The following AKAP13 variants were observed in gnomAD, a reference collection of about 807,000 sequenced individuals.
AKAP13 encodes the protein A-kinase anchor protein 13.
A neutral mutation model predicts 264.5 loss-of-function variants in AKAP13; 80 were observed. That is an observed-to-expected ratio of 0.30 (90% confidence interval 0.25 to 0.36). AKAP13 has a LOEUF of 0.36. Ranked by LOEUF, AKAP13 falls within the 10% of genes least tolerant of loss-of-function variation. The pLI, the probability that AKAP13 is intolerant of heterozygous loss-of-function variation, is 1.00. For missense variants in AKAP13, 3,712 were observed against 3,435.2 expected, an observed-to-expected ratio of 1.08 and a Z score of -2.01; for synonymous variants, 1,380 against 1,250.2, an observed-to-expected ratio of 1.10 and a Z score of -2.19.
chr15:85,744,273 GGCTGAATTC>G (rs757001013), intron 36 of AKAP13: 27 of 307,192 alleles, frequency 8.8e-5, no homozygotes, highest in Non-Finnish European at 1.5e-4. Flanking sequence ...CAGAGCCTGC[GGCTGAATTC>G]CACTAAATGC....
chr15:85,663,096 G>A (rs947707769), intron 12 of AKAP13, among the ~76,000 whole-genome samples: 10 of 152,094 alleles, frequency 6.6e-5, no homozygotes, highest in Non-Finnish European at 1.0e-4. Context: ...GATCACCTGA[G>A]GTCAGGCATT....
At chr15:85,725,938 T>C (rs1052594507) in intron 26 of AKAP13, among the ~76,000 whole-genome samples, 13 of 152,200 alleles carry the variant, frequency 8.5e-5, no homozygotes, top group African/African-American at 3.1e-4. Flanking sequence ...CTTAGATATT[T>C]CTATACTTCA....
At chr15:85,534,650 C>G (rs2077334967) in intron 4 of AKAP13, 1 of 151,564 alleles carries the variant, frequency 6.6e-6, no homozygotes, top group Admixed American at 6.6e-5. Context: ...GTTAGTCAGG[C>G]TGGTCTCGAA....
chr15:85,494,699 G>C (rs768393972), intron 2 of AKAP13, among the ~76,000 whole-genome samples: 1 of 152,204 alleles, frequency 6.6e-6, no homozygotes, highest in Non-Finnish European at 1.5e-5. Flanking sequence ...GAAGTTGCCT[G>C]CAGTTTCACA....
chr15:85,470,757 G>A (rs1396087773), intron 1 of AKAP13, among the ~76,000 whole-genome samples: 1 of 152,072 alleles, frequency 6.6e-6, no homozygotes, highest in Non-Finnish European at 1.5e-5. Flanking sequence ...TTAGACAAAG[G>A]CTCAGTGCTT....
At chr15:85,558,716 T>A (rs1018294790) in intron 5 of AKAP13, among the ~76,000 whole-genome samples, 1 of 152,220 alleles carries the variant, frequency 6.6e-6, no homozygotes, top group African/African-American at 2.4e-5. Context: ...TGGGTTCATA[T>A]TTAGTTCTTA....
chr15:85,567,326 T>G (rs1433023039), intron 5 of AKAP13, among the ~76,000 whole-genome samples: 1 of 152,114 alleles, frequency 6.6e-6, no homozygotes, highest in African/African-American at 2.4e-5. Flanking sequence ...CAGGATGGTC[T>G]GGATCTCTTG....
chr15:85,744,453 C>T (rs1463833835), intron 36 of AKAP13, 175 bp from the exon 37 acceptor site: 1 of 663,802 alleles, frequency 1.5e-6, no homozygotes, highest in Non-Finnish European at 2.7e-6. Context: ...TGAAGGATAT[C>T]ACTTAAGAAC....
chr15:85,651,050 A>C (rs11634361), intron 10 of AKAP13, among the ~76,000 whole-genome samples: 1 of 151,912 alleles, frequency 6.6e-6, no homozygotes. Context: ...TATTTTGGCA[A>C]TATTAAGCAT....
At chr15:85,384,569 T>C (rs1477065658) in intron 1 of AKAP13, among the ~76,000 whole-genome samples, 1 of 151,988 alleles carries the variant, frequency 6.6e-6, no homozygotes, top group Non-Finnish European at 1.5e-5. Flanking sequence ...ATACAAAAAC[T>C]AGCCCGGCAG....
chr15:85,393,118 G>T (rs2070945991), intron 1 of AKAP13, among the ~76,000 whole-genome samples: 1 of 152,178 alleles, frequency 6.6e-6, no homozygotes, highest in East Asian at 1.9e-4. Context: ...TCTGGAGTGG[G>T]AGAAGGGAGG....
rs983462303 is a variant in AKAP13, at chr15:85,746,203, A to C, written c.*1526A>C. On this transcript the variant is annotated 3_prime_UTR_variant, in exon 37 of 37. Transcript: ENST00000394518. The stretch of plus-strand genomic sequence containing the variant: ...ACTTGGTGCTTATTGATGAATTGCA[A>C]GCTGGCCTTGCAGATGGAGATATTT... 1 of 152,680 alleles carries C rather than the reference A, an allele frequency of 6.5e-6. No homozygotes were observed. Among genetic ancestry groups the C allele is most frequent in the African/African-American group, 2.4e-5 (1 of 41,476 alleles). The allele number at this position is 152,680 out of a possible 1,614,324, so 9.5% of individuals were successfully genotyped here.
chr15:85,397,735 T>A (rs1199447099), intron 1 of AKAP13, among the ~76,000 whole-genome samples: 27 of 152,180 alleles, frequency 1.8e-4, no homozygotes, highest in Non-Finnish European at 2.9e-5. Context: ...ATTCAGCATT[T>A]TATTTAAGGC....
At chr15:85,402,834 G>C (rs781326406) in intron 1 of AKAP13, among the ~76,000 whole-genome samples, 30 of 152,174 alleles carry the variant, frequency 2.0e-4, no homozygotes, top group Admixed American at 7.2e-4. Flanking sequence ...CAAGAGCTGG[G>C]GATTGAAACT....
At chr15:85,712,976 CA>C (rs1231869930) in intron 19 of AKAP13, among the ~76,000 whole-genome samples, 1 of 152,144 alleles carries the variant, frequency 6.6e-6, no homozygotes, top group Non-Finnish European at 1.5e-5. Context: ...TGGACATTAC[CA>C]AACCTCTCTG....
At chr15:85,495,785 C>G (rs2075853848) in intron 2 of AKAP13, among the ~76,000 whole-genome samples, 1 of 152,162 alleles carries the variant, frequency 6.6e-6, no homozygotes, top group South Asian at 2.1e-4. Context: ...ATTATGTCGT[C>G]CTTCCTCTCT....
At position 85,639,499 on chromosome 15, in the gene AKAP13, C is replaced by T. The variant is rs187669397; in HGVS notation, c.4237+50C>T. The T allele has an allele frequency of 0.017, 23,695 of 1,359,536 alleles. 260 individuals carry two copies. Among genetic ancestry groups the T allele is most frequent in the Non-Finnish European group, 0.022 (20,499 of 950,756 alleles). The allele number at this position is 1,359,536 out of a possible 1,614,324, so 84.2% of individuals were successfully genotyped here. A position where few individuals can be genotyped will look rare whatever the true frequency, so the allele number is the denominator to read the frequency against. ...TTCTGGAGCTGCAGCCCCACTCTGG[C>T]AGATCGTTTTATTTGGAGATCTGCC... On this transcript the variant is annotated intron_variant, in intron 9 of 36. Coordinates refer to ENST00000394518, the MANE Select transcript of AKAP13 (RefSeq NM_007200.5).
chr15:85,398,255 C>G (rs1422972089), intron 1 of AKAP13, among the ~76,000 whole-genome samples: 1 of 152,172 alleles, frequency 6.6e-6, no homozygotes, highest in African/African-American at 2.4e-5. Flanking sequence ...TAGGAGTCAT[C>G]AGATCGTTTT....
intron 1 of AKAP13, among the ~76,000 whole-genome samples, chr15:85,450,530 T>C (rs547203554): frequency 2.6e-5 from 4 of 152,208 alleles, no homozygotes; most frequent in Non-Finnish European, 5.9e-5. Context: ...ACCTTAGCTG[T>C]GTCCCAGAGA....
Sources: allele counts gnomAD v4.1 joint callset (sites outside exome capture counted in the v4.1 genomes callset), GRCh38; gene constraint gnomAD v4.1.1; transcripts MANE v1.5; gene names NCBI Gene and HGNC (gene_info 2026-07-23, HGNC 2026-07-21).